STXBP5: variants seen among roughly 807,000 people sequenced by gnomAD.
STXBP5 encodes syntaxin-binding protein 5.
A neutral mutation model predicts 152.4 loss-of-function variants in STXBP5; 50 were observed. The ratio of observed to expected loss-of-function variants is 0.33; its 90% CI spans 0.26 to 0.42. The LOEUF is 0.42. Among genes scored for constraint, STXBP5 ranks in the 10% least tolerant of loss-of-function variants. STXBP5 has a pLI of 1.00. For synonymous variants in STXBP5, 492 were observed against 494.7 expected (o/e 0.99, Z 0.07); for missense variants, 1,167 against 1,388.6 (o/e 0.84, Z 2.54).
intron 7 of STXBP5, among the ~76,000 whole-genome samples, chr6:147,267,725 G>A (rs1182882630): frequency 6.6e-6 from 1 of 151,822 alleles, no homozygotes; most frequent in Middle Eastern, 3.4e-3. Context: ...CTATAAATTG[G>A]ATAATTTACT....
At chr6:147,251,116 A>G (rs1259955144) in intron 4 of STXBP5, among the ~76,000 whole-genome samples, 1 of 152,144 alleles carries the variant, frequency 6.6e-6, no homozygotes, top group African/African-American at 2.4e-5. Context: ...TTGGTTAGAC[A>G]GTGGGTGCAG....
At chr6:147,364,208 G>T (rs1785192607) in intron 25 of STXBP5, 42 bp downstream of exon 25, 1 of 1,560,708 alleles carries the variant, frequency 6.4e-7, no homozygotes, top group Non-Finnish European at 8.7e-7. Flanking sequence ...CAGAGGTAAA[G>T]TATTCTCTGA....
intron 25 of STXBP5, among the ~76,000 whole-genome samples, chr6:147,373,381 A>C (rs935616023): frequency 1.3e-5 from 2 of 151,348 alleles, no homozygotes; most frequent in African/African-American, 2.4e-5. Flanking sequence ...AAAAAAAAAA[A>C]AAAAAAACTT....
intron 9 of STXBP5, among the ~76,000 whole-genome samples, chr6:147,302,866 T>C (rs1441280976): frequency 6.6e-6 from 1 of 152,212 alleles, no homozygotes; most frequent in Non-Finnish European, 1.5e-5. Context: ...TATGTCTTTA[T>C]TGATTTTTAT....
At chr6:147,380,522 C>T (rs573370224) in intron 26 of STXBP5, among the ~76,000 whole-genome samples, 4 of 149,486 alleles carry the variant, frequency 2.7e-5, no homozygotes, top group Non-Finnish European at 4.4e-5. Flanking sequence ...CAAAATGGCT[C>T]AAAGACCTCA....
intron 25 of STXBP5, among the ~76,000 whole-genome samples, chr6:147,364,603 G>A (rs1785210029): frequency 6.6e-6 from 1 of 152,142 alleles, no homozygotes; most frequent in Admixed American, 6.5e-5. Flanking sequence ...TTATTTGGTA[G>A]TTTTCCTCTA....
At chr6:147,383,154 A>C (rs1786174904) in intron 27 of STXBP5, among the ~76,000 whole-genome samples, 156 bp downstream of exon 27, 1 of 152,116 alleles carries the variant, frequency 6.6e-6, no homozygotes, top group Non-Finnish European at 1.5e-5. Context: ...AGAGGGAACC[A>C]TTACAGGAAT....
At chr6:147,272,585 C>T (rs1340313712) in intron 7 of STXBP5, among the ~76,000 whole-genome samples, 1 of 152,134 alleles carries the variant, frequency 6.6e-6, no homozygotes, top group Non-Finnish European at 1.5e-5. Context: ...TTCTTCCTCA[C>T]TAGTGAGGGT....
At chr6:147,211,177 G>A (rs1306394852) in intron 2 of STXBP5, among the ~76,000 whole-genome samples, 1 of 152,020 alleles carries the variant, frequency 6.6e-6, no homozygotes, top group African/African-American at 2.4e-5. Flanking sequence ...TGGCGTGGTG[G>A]TGCACGCCTG....
At chr6:147,347,455 G>A (rs1050750864) in intron 21 of STXBP5, among the ~76,000 whole-genome samples, 1 of 152,140 alleles carries the variant, frequency 6.6e-6, no homozygotes, top group Non-Finnish European at 1.5e-5. Flanking sequence ...GGAAAGCCAT[G>A]GTAGGAAGAC....
chr6:147,333,178 A>C (rs972537291), intron 18 of STXBP5, among the ~76,000 whole-genome samples: 12 of 152,212 alleles, frequency 7.9e-5, no homozygotes, highest in Admixed American at 7.2e-4. Context: ...ATCTGTAAAA[A>C]CCAGGTTTTC....
At chr6:147,312,966 T>C (rs916247790) in intron 11 of STXBP5, among the ~76,000 whole-genome samples, 5 of 152,160 alleles carry the variant, frequency 3.3e-5, no homozygotes, top group African/African-American at 1.2e-4. Flanking sequence ...AGCAAAAGTA[T>C]CAGTTAAATG....
At chr6:147,278,352 T>C (rs1233957234) in intron 8 of STXBP5, 148 bp downstream of exon 8, 19 of 782,692 alleles carry the variant, frequency 2.4e-5, no homozygotes, top group South Asian at 7.0e-5. Flanking sequence ...TTTACACTTA[T>C]AGAAATAGTA....
intron 2 of STXBP5, among the ~76,000 whole-genome samples, chr6:147,215,155 C>T (rs1777096647): frequency 6.6e-6 from 1 of 152,190 alleles, no homozygotes; most frequent in Non-Finnish European, 1.5e-5. Flanking sequence ...GTCAGTAAAA[C>T]TTTATTTATA....
chr6:147,279,932 G>A (rs564207808), intron 8 of STXBP5, among the ~76,000 whole-genome samples: 66 of 152,282 alleles, frequency 4.3e-4, no homozygotes, highest in African/African-American at 1.5e-3. Context: ...AATATGTAAT[G>A]CTAGTTTTGC....
At chr6:147,298,097 C>G (rs1356607388) in intron 9 of STXBP5, among the ~76,000 whole-genome samples, 1 of 152,040 alleles carries the variant, frequency 6.6e-6, no homozygotes, top group Non-Finnish European at 1.5e-5. Context: ...ATGCTACCTA[C>G]TATAGGCTCA....
intron 7 of STXBP5, among the ~76,000 whole-genome samples, chr6:147,273,720 G>C (rs1178774898): frequency 1.3e-5 from 2 of 152,152 alleles, no homozygotes; most frequent in Non-Finnish European, 2.9e-5. Flanking sequence ...GGGAGGCCAA[G>C]GTGGGCAGAT....
At chr6:147,287,328 A>G (rs992381863) in intron 8 of STXBP5, among the ~76,000 whole-genome samples, 1 of 140,682 alleles carries the variant, frequency 7.1e-6, no homozygotes, top group East Asian at 2.1e-4. Context: ...TCAGCCTCCC[A>G]AGTAGCTGGG....
chr6:147,226,116 C>G (rs988440639), intron 2 of STXBP5, among the ~76,000 whole-genome samples: 8 of 151,952 alleles, frequency 5.3e-5, no homozygotes, highest in Non-Finnish European at 7.4e-5. Flanking sequence ...GGAAACATAG[C>G]GAGACCTTGG....
Sources: allele counts gnomAD v4.1 joint callset (sites outside exome capture counted in the v4.1 genomes callset), GRCh38; gene constraint gnomAD v4.1.1; transcripts MANE v1.5; gene names NCBI Gene and HGNC (gene_info 2026-07-23, HGNC 2026-07-21).